ZDHHC11: variants seen among roughly 807,000 people sequenced by gnomAD.
ZDHHC11 encodes the protein palmitoyltransferase ZDHHC11.
A neutral mutation model predicts 51.3 loss-of-function variants in ZDHHC11; 44 were observed. The observed-to-expected ratio is 0.86, with a 90% CI of 0.67 to 1.10. ZDHHC11 has a LOEUF of 1.10. Among genes scored for constraint, ZDHHC11 ranks in the 50% least tolerant of loss-of-function variants. The pLI, the probability that ZDHHC11 is intolerant of heterozygous loss-of-function variation, is 0.00. For missense variants in ZDHHC11, 400 were observed against 537.7 expected (o/e 0.74, Z 2.53); for synonymous variants, 163 against 222.0 (o/e 0.73, Z 2.36).
chr5:805,106 G>A (rs1177757636), intron 11 of ZDHHC11, among the ~76,000 whole-genome samples: 1 of 151,418 alleles, frequency 6.6e-6, no homozygotes, highest in African/African-American at 2.4e-5. Context: ...TAAAGGGTGA[G>A]GGATGGAGAT....
intron 11 of ZDHHC11, among the ~76,000 whole-genome samples, chr5:803,794 G>A (rs1056633155): frequency 6.6e-6 from 1 of 150,628 alleles, no homozygotes; most frequent in Non-Finnish European, 1.5e-5. Flanking sequence ...ATTAGTAGTA[G>A]AGATAGAAAT....
rs372539779 is a variant in ZDHHC11, at chr5:819,636, G to A, written c.1059-24C>T. ...CTCTGGTGGGGCAAACAGAAGGAAA[G>A]AAACACACCACAGTTTTGTAGGGCG... On this transcript the variant is annotated intron_variant, in intron 9 of 12. Transcript: ENST00000283441. 2.5e-5 allele frequency: 40 copies of A among 1,604,690 alleles called. 4 individuals carry two copies. The highest frequency in any genetic ancestry group is 2.6e-5 in the Non-Finnish European group (30 of 1,172,390).
At chr5:796,934 G>C (rs1402129913) in intron 12 of ZDHHC11, among the ~76,000 whole-genome samples, 1 of 152,024 alleles carries the variant, frequency 6.6e-6, no homozygotes, top group African/African-American at 2.4e-5. Flanking sequence ...TTGGCCAGGT[G>C]TGGTGGCTCA....
chr5:806,159 C>A (rs866434153), intron 11 of ZDHHC11, among the ~76,000 whole-genome samples: 1 of 151,008 alleles, frequency 6.6e-6, no homozygotes, highest in Non-Finnish European at 1.5e-5. Context: ...ACTTATTAAG[C>A]TATGGGAAGT....
chr5:844,883 C>T (rs1213307948), intron 3 of ZDHHC11, among the ~76,000 whole-genome samples: 1 of 152,310 alleles, frequency 6.6e-6, no homozygotes, highest in Non-Finnish European at 1.5e-5. Flanking sequence ...CAATTCTGGG[C>T]AGCAGTTCCT....
chr5:836,202 CTGAGATTTGTTAAAAATCA>C (rs1743825353), intron 6 of ZDHHC11, among the ~76,000 whole-genome samples: 1 of 150,206 alleles, frequency 6.7e-6, no homozygotes, highest in Non-Finnish European at 1.5e-5. Flanking sequence ...TCCTAGGTCA[CTGAGATTTGTTAAAAATCA>C]TGAATGGGAA....
chr5:821,908 G>T lies in ZDHHC11; in HGVS notation c.1024-13C>A. 6.2e-7 allele frequency: 1 copy of T among 1,600,182 alleles called. No individual in the cohort carries two copies. The highest frequency in any genetic ancestry group is 8.5e-7 in the Non-Finnish European group (1 of 1,170,878). On this transcript the variant is annotated splice_polypyrimidine_tract_variant and intron_variant, in intron 8 of 12. Coordinates refer to ENST00000283441, the MANE Select transcript of ZDHHC11 (RefSeq NM_024786.3). ...CTTCATCCCCTTCCTGTGGGGAAGT[G>T]AAGCAAAATTCATAGAATGAATTGA...
intron 7 of ZDHHC11, among the ~76,000 whole-genome samples, chr5:828,008 T>C (rs932246637): frequency 1.3e-5 from 2 of 151,294 alleles, no homozygotes; most frequent in Non-Finnish European, 3.0e-5. Flanking sequence ...TTAATCCATT[T>C]AACCCTGAGT....
At chr5:858,241 CAG>C (rs377588084) in intron 1 of ZDHHC11, among the ~76,000 whole-genome samples, 983 of 63,108 alleles carry the variant, frequency 0.016, 15 homozygotes, top group African/African-American at 0.15. Flanking sequence ...ACCAGATCCC[CAG>C]AGTCTGTCCT....
intron 3 of ZDHHC11, among the ~76,000 whole-genome samples, chr5:845,163 G>A (rs1745927491): frequency 6.6e-6 from 1 of 152,310 alleles, no homozygotes; most frequent in Non-Finnish European, 1.5e-5. Context: ...CTCCAGGCAT[G>A]AGCGGCTCCC....
intron 11 of ZDHHC11, among the ~76,000 whole-genome samples, chr5:814,329 G>T (rs368187387): frequency 0.011 from 1,588 of 145,984 alleles, 10 homozygotes; most frequent in African/African-American, 0.032. Flanking sequence ...TTTCAGCTTT[G>T]TAGTTTGGAG....
upstream of ZDHHC11, among the ~76,000 whole-genome samples, chr5:854,537 C>CAG: frequency 6.8e-6 from 1 of 146,394 alleles, no homozygotes; most frequent in South Asian, 2.2e-4. Context: ...GGACAGCGAG[C>CAG]CGGGGAGACA....
At chr5:840,818 G>A (rs1181303003) in intron 4 of ZDHHC11, 168 bp from the exon 5 acceptor site, 3 of 1,486,564 alleles carry the variant, frequency 2.0e-6, no homozygotes, top group African/African-American at 2.8e-5. Context: ...TGCCCCGTAG[G>A]CCCTGCTGCC....
At chr5:797,253 G>A (rs7709369) in intron 12 of ZDHHC11, among the ~76,000 whole-genome samples, 26,278 of 147,392 alleles carry the variant, frequency 0.18, 1,315 homozygotes, top group East Asian at 0.35. Flanking sequence ...CTTTGTTTAC[G>A]GCATTTATCA....
chr5:844,651 G>A (rs1415988638), intron 3 of ZDHHC11, among the ~76,000 whole-genome samples: 1 of 152,308 alleles, frequency 6.6e-6, no homozygotes, highest in Non-Finnish European at 1.5e-5. Flanking sequence ...ACCCAGGAGG[G>A]CCTGCAGGCT....
At chr5:845,519 C>G (rs1436670247) in intron 3 of ZDHHC11, among the ~76,000 whole-genome samples, 2 of 152,230 alleles carry the variant, frequency 1.3e-5, no homozygotes, top group Non-Finnish European at 2.9e-5. Context: ...GAGTCCGAGG[C>G]CAGCGCTCAC....
chr5:799,113 C>T (rs1177591397), intron 12 of ZDHHC11, among the ~76,000 whole-genome samples: 1 of 151,974 alleles, frequency 6.6e-6, no homozygotes, highest in African/African-American at 2.4e-5. Flanking sequence ...GATGGGGCCT[C>T]ATAGGACGTG....
In ZDHHC11 at chr5:829,079, C is replaced by A. The variant is rs1451029271; in HGVS notation, c.936-3828G>T. ...CACAAACAGACAATCTAAAGTCACA[C>A]CTGAAGTAACCAGAGAAACAAGAAC... On this transcript the variant is annotated intron_variant, in intron 7 of 12. Coordinates refer to ENST00000283441, the MANE Select transcript of ZDHHC11 (RefSeq NM_024786.3). 3.1e-4 allele frequency among the ~76,000 whole-genome samples: 42 copies of A among 134,082 alleles called. No homozygotes were observed. In the South Asian group the frequency reaches 0.01, roughly 33 times the overall value. 88.0% of individuals were successfully genotyped at this position (134,082 alleles called of 152,430 possible).
chr5:833,865 T>C (rs1277723047), intron 6 of ZDHHC11, 58 bp from the exon 7 acceptor site: 2 of 1,570,062 alleles, frequency 1.3e-6, no homozygotes, highest in African/African-American at 2.7e-5. Context: ...ATGCAGCTGA[T>C]TCTTACATAA....
Sources: gnomAD v4.1 joint callset for allele counts (sites outside exome capture counted in the v4.1 genomes callset) on GRCh38, gnomAD v4.1.1 for gene constraint, MANE v1.5 for transcripts, NCBI Gene and HGNC (gene_info 2026-07-23, HGNC 2026-07-21) for gene names.